Variants in FMO4 observed in about 807,000 individuals in gnomAD.
FMO4 encodes the protein flavin containing dimethylaniline monoxygenase 4.
In FMO4, 38 loss-of-function variants were observed where a neutral mutation model predicts 43.3. That is an observed-to-expected ratio of 0.88 (90% CI 0.68 to 1.15). The LOEUF is 1.15. Among genes scored for constraint, FMO4 ranks in the 50% most tolerant of loss-of-function variants. FMO4 has a pLI of 0.00. For missense variants in FMO4, 631 were observed against 663.3 expected (o/e 0.95, Z 0.54); for synonymous variants, 224 against 232.2 (o/e 0.96, Z 0.32).
rs1476054753 is a variant in FMO4, at chr1:171,341,920, C to T, written c.*81C>T. The T allele has an allele frequency of 8.7e-7, 1 of 1,153,694 alleles. No individual in the cohort carries two copies. 71.5% of individuals were successfully genotyped at this position (1,153,694 alleles called of 1,614,324 possible). A position where few individuals can be genotyped will look rare whatever the true frequency, so the allele number is the denominator to read the frequency against. On this transcript the variant is annotated 3_prime_UTR_variant, in exon 10 of 10. Coordinates refer to ENST00000367749, the MANE Select transcript of FMO4 (RefSeq NM_002022.3). ...TGTGCATCCCTCCTCTGCTCTCCAT[C>T]ATAACTGCTATTAGCCAAATTCAGG...
intron 5 of FMO4, among the ~76,000 whole-genome samples, chr1:171,325,686 T>C (rs549906114): frequency 1.4e-4 from 22 of 152,032 alleles, no homozygotes; most frequent in Non-Finnish European, 2.9e-4. Context: ...ACACCTCTTA[T>C]GACATTTTCT....
chr1:171,324,383 G>T, intron 5 of FMO4, 83 bp downstream of exon 5: 1 of 1,084,944 alleles, frequency 9.2e-7, no homozygotes, highest in Non-Finnish European at 1.3e-6. Flanking sequence ...TGGAAATACC[G>T]CCCCATGATT....
chr1:171,318,004 A>G (rs1215307312), intron 2 of FMO4, among the ~76,000 whole-genome samples: 6 of 152,124 alleles, frequency 3.9e-5, no homozygotes, highest in Non-Finnish European at 8.8e-5. Context: ...CCACAGATTG[A>G]GTACTCCTTA....
At chr1:171,327,202 C>A (rs1046712292) in intron 5 of FMO4, among the ~76,000 whole-genome samples, 1 of 152,166 alleles carries the variant, frequency 6.6e-6, no homozygotes, top group Admixed American at 6.6e-5. Flanking sequence ...TCTTCGTGCT[C>A]CCCTTTTCCA....
chr1:171,341,738 T>G lies in FMO4; in HGVS notation c.1576T>G (p.Ser526Ala), dbSNP rs569945058. The change falls in exon 10 of 10, where the codon TCT becomes GCT. Residue 526 changes from serine to alanine, a missense_variant. By Grantham distance (99) the Ser-to-Ala change is moderately conservative. Transcript: ENST00000367749. ...KAWGAPVLLA[S>A]LLLICKSSLF... ...CTGGGGGGCACCTGTCCTACTTGCC[T>G]CTCTTCTACTTATCTGTAAATCTTC... 3.7e-6 allele frequency: 6 copies of G among 1,613,786 alleles called. No individual in the cohort carries two copies. In the South Asian group the frequency reaches 6.6e-5, roughly 18 times the overall value.
chr1:171,324,360 A>G (rs1662574573), intron 5 of FMO4, 60 bp downstream of exon 5: 1 of 1,368,222 alleles, frequency 7.3e-7, no homozygotes, highest in Non-Finnish European at 9.9e-7. Flanking sequence ...AAGTAAACTT[A>G]TTGATTTGCA....
At chr1:171,329,263 T>G (rs1033751356) in intron 5 of FMO4, among the ~76,000 whole-genome samples, 2 of 152,140 alleles carry the variant, frequency 1.3e-5, no homozygotes, top group Non-Finnish European at 2.9e-5. Context: ...TGTCAGGTGG[T>G]GTCCCAGGTT....
chr1:171,329,521 T>C (rs1662813400), intron 5 of FMO4, among the ~76,000 whole-genome samples: 1 of 152,184 alleles, frequency 6.6e-6, no homozygotes, highest in Non-Finnish European at 1.5e-5. Flanking sequence ...ATAGATCTTG[T>C]ATTGTCAACA....
At position 171,334,612 on chromosome 1, in the gene FMO4, C is replaced by T. The variant is rs1406493261; in HGVS notation, c.1029C>T (p.Ser343=). The T allele has an allele frequency of 1.2e-6, 2 of 1,612,774 alleles. No individual in the cohort carries two copies. The highest frequency in any genetic ancestry group is 1.7e-5 in the Admixed American group (1 of 59,970). ...SFPFFEEPLK[S]LCTKKIFLYK... is the part of the protein sequence containing the mutation. ...CATTTTTTGAAGAACCTCTTAAAAG[C>T]CTCTGTACAAAGAAGATATTTCTAT... The change falls in exon 8 of 10, where the codon AGC becomes AGT. Residue 343 remains serine (S), a synonymous_variant. Transcript: ENST00000367749.
At chr1:171,320,442 A>G (rs1201742441) in intron 3 of FMO4, among the ~76,000 whole-genome samples, 1 of 152,094 alleles carries the variant, frequency 6.6e-6, no homozygotes, top group Non-Finnish European at 1.5e-5. Flanking sequence ...GCCTTGTGGG[A>G]GGGGGAGGGT....
intron 2 of FMO4, among the ~76,000 whole-genome samples, chr1:171,319,460 G>A (rs1662317838): frequency 6.6e-6 from 1 of 152,156 alleles, no homozygotes; most frequent in Non-Finnish European, 1.5e-5. Context: ...TCTCATTTAG[G>A]GCTGTAGGTT....
chr1:171,323,307 G>A (rs932536448), intron 4 of FMO4, 115 bp downstream of exon 4: 1 of 686,194 alleles, frequency 1.5e-6, no homozygotes, highest in South Asian at 2.0e-5. Context: ...CAAATAAATA[G>A]GAAGATAATA....
rs1484118632 is a variant in FMO4, at chr1:171,341,977, ATCT to A, written c.*146_*148del. ...CATCTCCTATCTGAATTATTGTATT[ATCT>A]TCTTCTTTGTTTTCAGTACCCTCTT... On this transcript the variant is annotated 3_prime_UTR_variant, in exon 10 of 10. Transcript: ENST00000367749. 2 of 647,480 alleles carry A rather than the reference ATCT, an allele frequency of 3.1e-6. No homozygotes were observed. The highest frequency in any genetic ancestry group is 1.8e-5 in the African/African-American group (1 of 54,694). The allele number at this position is 647,480 out of a possible 1,614,324, so 40.1% of individuals were successfully genotyped here. A position where few individuals can be genotyped will look rare whatever the true frequency, so the allele number is the denominator to read the frequency against.
At chr1:171,322,714 A>G (rs1391748007) in intron 3 of FMO4, among the ~76,000 whole-genome samples, 3 of 152,124 alleles carry the variant, frequency 2.0e-5, no homozygotes, top group Non-Finnish European at 2.9e-5. Flanking sequence ...TTAGCCAGGC[A>G]TGGTGGCACA....
intron 6 of FMO4, 85 bp from the exon 7 acceptor site, chr1:171,332,624 A>G (rs1226359307): frequency 9.8e-6 from 11 of 1,126,372 alleles, no homozygotes; most frequent in Non-Finnish European, 7.9e-6. Context: ...CCAGACTGGA[A>G]TAAGATCATT....
At chr1:171,338,818 A>G (rs1663227981) in intron 9 of FMO4, among the ~76,000 whole-genome samples, 1 of 152,174 alleles carries the variant, frequency 6.6e-6, no homozygotes, top group Non-Finnish European at 1.5e-5. Context: ...TTCCCCCATT[A>G]AAATACAGGC....
At chr1:171,323,992 T>C in intron 4 of FMO4, 146 bp from the exon 5 acceptor site, 1 of 663,408 alleles carries the variant, frequency 1.5e-6, no homozygotes, top group Non-Finnish European at 2.4e-6. Context: ...TTACTTAACT[T>C]CTCTAGGAAG....
In FMO4 at chr1:171,331,772, C is replaced by T. The variant is rs574075361; in HGVS notation, c.617C>T (p.Thr206Met). ...GGDIAVELSR[T>M]AAQVLLSTRT... The stretch of plus-strand genomic sequence containing the variant: ...GACATTGCTGTGGAACTCAGTCGAA[C>T]GGCAGCTCAGGTACATCATCTCTGA... The change falls in exon 6 of 10, where the codon ACG becomes ATG. Residue 206 changes from threonine (T) to methionine (M), a missense_variant. Physicochemically the swap from Thr to Met is moderately conservative, Grantham distance 81 (BLOSUM62 -1). Transcript: ENST00000367749. 6.8e-6 allele frequency: 11 copies of T among 1,613,722 alleles called. No individual in the cohort carries two copies. The highest frequency in any genetic ancestry group is 1.3e-5 in the African/African-American group (1 of 75,004).
intron 6 of FMO4, among the ~76,000 whole-genome samples, chr1:171,332,015 T>G (rs1370315518): frequency 6.6e-6 from 1 of 152,154 alleles, no homozygotes; most frequent in Non-Finnish European, 1.5e-5. Flanking sequence ...CTAGGAAAAT[T>G]GTGTGGATGC....
Sources: gnomAD v4.1 joint callset for allele counts (sites outside exome capture counted in the v4.1 genomes callset) on GRCh38, gnomAD v4.1.1 for gene constraint, MANE v1.5 for transcripts, NCBI Gene and HGNC (gene_info 2026-07-23, HGNC 2026-07-21) for gene names.